VWC2: variants seen among roughly 807,000 people sequenced by gnomAD.
The protein encoded by VWC2 is von Willebrand factor C domain containing 2, also known as brorin.
Under a neutral mutation model 29.8 loss-of-function variants are expected in VWC2, and 14 were observed. That is an observed-to-expected ratio of 0.47 (90% CI 0.31 to 0.74). VWC2 has a LOEUF of 0.74. VWC2 is among the 30% of genes least tolerant of loss of function. The pLI is 0.05. For synonymous variants in VWC2, 213 were observed against 199.0 expected, an observed-to-expected ratio of 1.07 and a Z score of -0.59; for missense variants, 457 against 459.8, an observed-to-expected ratio of 0.99 and a Z score of 0.05.
chr7:49,828,485 G>A (rs1291812323), intron 3 of VWC2, among the ~76,000 whole-genome samples: 1 of 152,124 alleles, frequency 6.6e-6, no homozygotes, highest in Non-Finnish European at 1.5e-5. Context: ...ACTCCTACCA[G>A]CAATATGTGA....
At chr7:49,819,750 G>C (rs78037654) in intron 3 of VWC2, among the ~76,000 whole-genome samples, 6 of 152,184 alleles carry the variant, frequency 3.9e-5, no homozygotes, top group Non-Finnish European at 7.3e-5. Context: ...AGGGGGGCCC[G>C]TGGGGGAGGG....
chr7:49,859,788 GTGCACACACACACACACA>G (rs1325567449), intron 3 of VWC2, among the ~76,000 whole-genome samples: 2,057 of 148,524 alleles, frequency 0.014, 54 homozygotes, highest in African/African-American at 0.049. Context: ...GTGCGCGTGC[GTGCACACACACACACACA>G]CACACACACA....
intron 3 of VWC2, among the ~76,000 whole-genome samples, chr7:49,888,739 C>T (rs1241105193): frequency 1.3e-5 from 2 of 151,994 alleles, no homozygotes; most frequent in Non-Finnish European, 2.9e-5. Flanking sequence ...GGTAAAACCC[C>T]GTTTCTACTA....
chr7:49,827,457 G>GTATAAAATTTGGTATACCAAATAT (rs1789426061), intron 3 of VWC2, among the ~76,000 whole-genome samples: 1 of 10,918 alleles, frequency 9.2e-5, no homozygotes, highest in South Asian at 4.0e-3. Flanking sequence ...GGTCCTATTG[G>GTATAAAATTTGGTATACCAAATAT]AGAATAGGAC....
At chr7:49,889,240 G>A (rs954459813) in intron 3 of VWC2, among the ~76,000 whole-genome samples, 5 of 152,276 alleles carry the variant, frequency 3.3e-5, no homozygotes, top group Admixed American at 3.3e-4. Context: ...TGGAGAAGGG[G>A]CATTTCCTGG....
chr7:49,883,748 T>C (rs933801398), intron 3 of VWC2, among the ~76,000 whole-genome samples: 1 of 152,212 alleles, frequency 6.6e-6, no homozygotes, highest in Non-Finnish European at 1.5e-5. Flanking sequence ...AAATTTTGGC[T>C]TTAAAGTTTC....
chr7:49,802,877 C>T, intron 3 of VWC2, 37 bp downstream of exon 3: 1 of 1,613,418 alleles, frequency 6.2e-7, no homozygotes, highest in Non-Finnish European at 8.5e-7. Context: ...GGTGCACCTC[C>T]CACCCTGATG....
intron 3 of VWC2, among the ~76,000 whole-genome samples, chr7:49,866,370 A>G (rs949751201): frequency 6.6e-6 from 1 of 152,114 alleles, no homozygotes; most frequent in African/African-American, 2.4e-5. Flanking sequence ...CCCCTGCCTT[A>G]CACTCTGTCC....
intron 3 of VWC2, among the ~76,000 whole-genome samples, chr7:49,843,172 G>C (rs1259113058): frequency 6.6e-6 from 1 of 152,286 alleles, no homozygotes; most frequent in East Asian, 1.9e-4. Context: ...GCAGTTTTCT[G>C]TGAACTTCTT....
At chr7:49,818,261 A>G (rs1203215579) in intron 3 of VWC2, among the ~76,000 whole-genome samples, 3 of 152,174 alleles carry the variant, frequency 2.0e-5, no homozygotes, top group Admixed American at 6.5e-5. Flanking sequence ...CCCAAATTGG[A>G]CTAGATTATT....
chr7:49,898,145 G>GTA (rs1792487484), intron 3 of VWC2, among the ~76,000 whole-genome samples: 1 of 151,842 alleles, frequency 6.6e-6, no homozygotes, highest in Non-Finnish European at 1.5e-5. Context: ...ATGTGTGTGT[G>GTA]TATATATATG....
chr7:49,893,980 G>A (rs1015544210), intron 3 of VWC2, among the ~76,000 whole-genome samples: 5 of 152,182 alleles, frequency 3.3e-5, no homozygotes, highest in Non-Finnish European at 1.5e-5. Context: ...CTCACTGCTT[G>A]GAGTTCTGCT....
intron 3 of VWC2, among the ~76,000 whole-genome samples, chr7:49,894,156 T>C (rs922406919): frequency 9.2e-5 from 6 of 65,534 alleles, no homozygotes; most frequent in African/African-American, 2.1e-4. Context: ...TTCTAGGCTT[T>C]TTCTTTTCTT....
At chr7:49,844,860 A>T (rs914252820) in intron 3 of VWC2, among the ~76,000 whole-genome samples, 1 of 151,868 alleles carries the variant, frequency 6.6e-6, no homozygotes, top group Non-Finnish European at 1.5e-5. Context: ...GTCCAACTAA[A>T]TTTTTGTATT....
intron 2 of VWC2, 61 bp from the exon 3 acceptor site, chr7:49,802,650 A>G (rs1788769514): frequency 6.2e-7 from 1 of 1,603,896 alleles, no homozygotes. Context: ...AAAAATATAT[A>G]TGACCCTGTA....
Position 49,912,108 on chromosome 7 carries a change from C to T in VWC2, c.901C>T (p.His301Tyr). ...GAAGACTGACGAGTGCACCATATGC[C>T]ACTGTACTTATGAGGAAGGCACATG... ...EVKTDECTIC[H>Y]CTYEEGTWRI... The change falls in exon 4 of 4, where the codon CAC becomes TAC. Residue 301 changes from histidine to tyrosine, a missense_variant. Physicochemically the swap from His to Tyr is moderately conservative, Grantham distance 83. Around this residue, in one of 2 missense-constraint regions of VWC2, gnomAD observed 185 missense variants for 257.1 expected, o/e 0.72. Transcript: ENST00000340652. 2.5e-6 allele frequency: 4 copies of T among 1,614,124 alleles called. No individual in the cohort carries two copies. Among genetic ancestry groups the T allele is most frequent in the Non-Finnish European group, 3.4e-6 (4 of 1,180,028 alleles).
intron 3 of VWC2, among the ~76,000 whole-genome samples, chr7:49,881,288 T>C (rs1791652058): frequency 6.6e-6 from 1 of 152,166 alleles, no homozygotes; most frequent in South Asian, 2.1e-4. Flanking sequence ...CAGCTAAATC[T>C]TTAGAGTGCT....
chr7:49,825,746 A>G (rs1316188158), intron 3 of VWC2, among the ~76,000 whole-genome samples: 1 of 152,216 alleles, frequency 6.6e-6, no homozygotes, highest in Non-Finnish European at 1.5e-5. Flanking sequence ...GGAAAGTTGT[A>G]CAATCAAAAC....
chr7:49,848,642 G>A (rs759039833), intron 3 of VWC2, among the ~76,000 whole-genome samples: 1 of 152,186 alleles, frequency 6.6e-6, no homozygotes, highest in Non-Finnish European at 1.5e-5. Context: ...TCAAAAATAT[G>A]TGCATCTATA....
Sources: gnomAD v4.1 joint callset for allele counts (sites outside exome capture counted in the v4.1 genomes callset) on GRCh38, gnomAD v4.1.1 for gene constraint, gnomAD v4.1.1 regional missense constraint, MANE v1.5 for transcripts, NCBI Gene and HGNC (gene_info 2026-07-23, HGNC 2026-07-21) for gene names.